PLXNA4: variants seen among roughly 807,000 people sequenced by gnomAD.
The protein encoded by PLXNA4 is plexin A4, also known as plexin-A4.
In PLXNA4, 44 loss-of-function variants were observed where a neutral mutation model predicts 191.8. The ratio of observed to expected loss-of-function variants is 0.23; its 90% CI spans 0.18 to 0.29. The LOEUF is 0.29. Among genes scored for constraint, PLXNA4 ranks in the 10% least tolerant of loss-of-function variants. PLXNA4 has a pLI of 1.00. For synonymous variants in PLXNA4, 1,082 were observed against 1,009.5 expected (o/e 1.07, Z -1.36); for missense variants, 1,800 against 2,488.8 (o/e 0.72, Z 5.89).
At chr7:132,131,769 T>C (rs945438441) in intron 31 of PLXNA4, among the ~76,000 whole-genome samples, 3 of 152,250 alleles carry the variant, frequency 2.0e-5, no homozygotes, top group Non-Finnish European at 2.9e-5. Flanking sequence ...TTATCTTGCA[T>C]TGCCGCAGGC....
At chr7:132,528,766 T>G (rs1047061284) in intron 1 of PLXNA4, among the ~76,000 whole-genome samples, 1 of 152,202 alleles carries the variant, frequency 6.6e-6, no homozygotes, top group Non-Finnish European at 1.5e-5. Context: ...AGAAGGGAAG[T>G]GCCAGGAGTA....
chr7:132,497,591 T>C (rs1490374951), intron 2 of PLXNA4, among the ~76,000 whole-genome samples: 1 of 152,212 alleles, frequency 6.6e-6, no homozygotes, highest in Non-Finnish European at 1.5e-5. Context: ...CAAAAAGACC[T>C]GACTATCCAA....
At chr7:132,622,395 TGTG>T (rs1803284885) in intron 2 of PLXNA4, among the ~76,000 whole-genome samples, 2 of 152,186 alleles carry the variant, frequency 1.3e-5, no homozygotes, top group Admixed American at 1.3e-4. Context: ...CCACCAGTAT[TGTG>T]GTGAGGATTA....
chr7:132,525,620 T>C (rs539619045), intron 1 of PLXNA4, among the ~76,000 whole-genome samples: 1 of 152,316 alleles, frequency 6.6e-6, no homozygotes, highest in Non-Finnish European at 1.5e-5. Context: ...TGCCAGTTCA[T>C]GGACACAGGT....
intron 3 of PLXNA4, among the ~76,000 whole-genome samples, chr7:132,488,262 G>A (rs932368547): frequency 3.3e-5 from 5 of 152,220 alleles, no homozygotes; most frequent in African/African-American, 7.2e-5. Flanking sequence ...TGATTGCTGG[G>A]CTGTTACATT....
In PLXNA4 at chr7:132,133,148, G is replaced by A. The variant is rs201396021; in HGVS notation, c.5490C>T (p.Asn1830=). Residue 1830 remains asparagine, a synonymous_variant, in exon 31 of 32, where the codon AAC becomes AAT. Coordinates refer to ENST00000321063, the MANE Select transcript of PLXNA4 (RefSeq NM_020911.2). ...KMPAISDQDM[N]AYLAEQSRMH... ...TCCGGGACTGCTCAGCCAGGTATGC[G>A]TTCATGTCTTGGTCGCTGATGGCTG... The A allele has an allele frequency of 5.8e-5, 93 of 1,614,186 alleles. 1 individual carries two copies. The highest frequency in any genetic ancestry group is 4.5e-4 in the Admixed American group (27 of 60,016).
chr7:132,595,974 T>A (rs1482198015), intron 2 of PLXNA4, among the ~76,000 whole-genome samples: 3 of 152,222 alleles, frequency 2.0e-5, no homozygotes, highest in African/African-American at 7.2e-5. Flanking sequence ...TTATATTATC[T>A]AACATCAAGT....
At chr7:132,631,046 G>T (rs531774501) in intron 2 of PLXNA4, among the ~76,000 whole-genome samples, 4 of 152,268 alleles carry the variant, frequency 2.6e-5, no homozygotes, top group Non-Finnish European at 4.4e-5. Flanking sequence ...ATGTGTATTC[G>T]TAAGTGTCTG....
At chr7:132,329,174 G>A (rs1245822302) in intron 3 of PLXNA4, among the ~76,000 whole-genome samples, 2 of 152,052 alleles carry the variant, frequency 1.3e-5, no homozygotes, top group South Asian at 2.1e-4. Flanking sequence ...CCTTTTTGTC[G>A]GCCCATAACA....
chr7:132,631,558 T>C (rs17429020), intron 2 of PLXNA4, among the ~76,000 whole-genome samples: 19,145 of 152,166 alleles, frequency 0.13, 1,303 homozygotes, highest in Non-Finnish European at 0.15. Flanking sequence ...GTGTCTGCTC[T>C]AGATGGTACC....
chr7:132,124,724 G>A lies in PLXNA4; in HGVS notation c.*5755C>T, dbSNP rs557175599. 3 of 152,274 alleles carry A rather than the reference G, an allele frequency of 2.0e-5. No homozygotes were observed. The highest frequency in any genetic ancestry group is 7.2e-5 in the African/African-American group (3 of 41,540). 9.4% of individuals were successfully genotyped at this position (152,274 alleles called of 1,614,324 possible). ...TCGGCAGTACCAGGGGCAGCCCAGA[G>A]AGCCAAGCATAGACATCAAAGCGGG... On this transcript the variant is annotated 3_prime_UTR_variant, in exon 32 of 32. Coordinates refer to ENST00000321063, the MANE Select transcript of PLXNA4 (RefSeq NM_020911.2).
chr7:132,485,843 C>T (rs1051883936), intron 3 of PLXNA4, among the ~76,000 whole-genome samples: 2 of 152,226 alleles, frequency 1.3e-5, no homozygotes, highest in African/African-American at 4.8e-5. Context: ...TCCTCACCTC[C>T]TTTCCCCCCG....
rs537625638 is a variant in PLXNA4 at position 132,266,560 on chromosome 7, C to G, written c.1504-25394G>C. On this transcript the variant is annotated intron_variant, in intron 4 of 31. Transcript: ENST00000321063. ...TTTAATCTATCTCTCTGTGAAATGT[C>G]TCATTTTTTCCACATATTCACTTGG... Among the ~76,000 whole-genome samples the G allele has an allele frequency of 2.2e-3, 337 of 152,292 alleles. 1 individual carries two copies. Among genetic ancestry groups the G allele is most frequent in the South Asian group, 5.8e-3 (28 of 4,820 alleles).
chr7:132,436,903 A>C (rs1191353449), intron 3 of PLXNA4, among the ~76,000 whole-genome samples: 1 of 152,148 alleles, frequency 6.6e-6, no homozygotes, highest in Non-Finnish European at 1.5e-5. Flanking sequence ...GGGCTCCAGG[A>C]CACTTGTACT....
At chr7:132,571,972 C>T (rs80348895) in intron 1 of PLXNA4, among the ~76,000 whole-genome samples, 2,158 of 152,170 alleles carry the variant, frequency 0.014, 49 homozygotes, top group African/African-American at 0.05. Flanking sequence ...AAGACTCATC[C>T]CCCTTGATGA....
chr7:132,394,925 C>T (rs965898865), intron 3 of PLXNA4, among the ~76,000 whole-genome samples: 5 of 152,224 alleles, frequency 3.3e-5, no homozygotes, highest in Non-Finnish European at 5.9e-5. Flanking sequence ...TCAGGTGAGC[C>T]GTGGGACCAG....
intron 6 of PLXNA4, 82 bp downstream of exon 6, chr7:132,228,264 G>A (rs1446220406): frequency 6.4e-7 from 1 of 1,569,566 alleles, no homozygotes; most frequent in Non-Finnish European, 8.7e-7. Flanking sequence ...CCTCCAGAGG[G>A]GCCTTGGGCT....
chr7:132,639,531 C>G (rs770534540), intron 2 of PLXNA4, among the ~76,000 whole-genome samples: 1 of 152,132 alleles, frequency 6.6e-6, no homozygotes, highest in Admixed American at 6.5e-5. Context: ...AAGAACCATG[C>G]GCCCCCACAA....
intron 3 of PLXNA4, among the ~76,000 whole-genome samples, chr7:132,396,298 G>C (rs1793753615): frequency 6.6e-6 from 1 of 152,196 alleles, no homozygotes; most frequent in Non-Finnish European, 1.5e-5. Context: ...GTTTCGGAAA[G>C]AGATGAAGAA....
Sources: allele counts gnomAD v4.1 joint callset (sites outside exome capture counted in the v4.1 genomes callset), GRCh38; gene constraint gnomAD v4.1.1; transcripts MANE v1.5; gene names NCBI Gene and HGNC (gene_info 2026-07-23, HGNC 2026-07-21).